Variants in ZDHHC7 observed in about 807,000 individuals in gnomAD.
The protein encoded by ZDHHC7 is palmitoyltransferase ZDHHC7.
In ZDHHC7, 12 loss-of-function variants were observed where a neutral mutation model predicts 34.1. That is an observed-to-expected ratio of 0.35 (90% CI 0.23 to 0.57). The LOEUF (loss-of-function observed/expected upper bound fraction) is 0.57. ZDHHC7 is among the 20% of genes least tolerant of loss of function. ZDHHC7 has a pLI of 0.84. For missense variants in ZDHHC7, 388 were observed against 402.7 expected, an observed-to-expected ratio of 0.96 and a Z score of 0.31; for synonymous variants, 185 against 155.4, an observed-to-expected ratio of 1.19 and a Z score of -1.42.
chr16:84,992,339 C>T (rs1363811873), intron 2 of ZDHHC7, among the ~76,000 whole-genome samples: 1 of 78,716 alleles, frequency 1.3e-5, no homozygotes. Flanking sequence ...CAGTGGCAGG[C>T]GCCTGTACCT....
chr16:84,981,292 T>G (rs1182034107), intron 4 of ZDHHC7, among the ~76,000 whole-genome samples: 4 of 152,088 alleles, frequency 2.6e-5, no homozygotes, highest in Non-Finnish European at 5.9e-5. Context: ...GACTGTGGCT[T>G]TTAAAAAATA....
chr16:84,996,513 G>A (rs944568976), intron 1 of ZDHHC7, among the ~76,000 whole-genome samples: 6 of 152,212 alleles, frequency 3.9e-5, no homozygotes, highest in East Asian at 3.9e-4. Context: ...CTCCTGGCAC[G>A]CATCTCCCAC....
chr16:85,024,322 C>G, the ZDHHC7 span, among the ~76,000 whole-genome samples: 13 of 150,860 alleles, frequency 8.6e-5, no homozygotes, highest in African/African-American at 3.2e-4. Flanking sequence ...ACCTCCGCCT[C>G]CCAGGTTCAA....
chr16:85,024,058 C>A, the ZDHHC7 span, among the ~76,000 whole-genome samples: 24 of 151,666 alleles, frequency 1.6e-4, no homozygotes, highest in Admixed American at 4.6e-4. Context: ...GCTGAGATTT[C>A]AGGCATGTGC....
intron 5 of ZDHHC7, among the ~76,000 whole-genome samples, chr16:84,978,797 G>A (rs1385775871): frequency 2.6e-5 from 4 of 151,084 alleles, no homozygotes; most frequent in Middle Eastern, 3.2e-3. Flanking sequence ...GGGAGGCGGA[G>A]GTTGCAGTGA....
At chr16:85,012,087 A>C (rs11867115), upstream of ZDHHC7, among the ~76,000 whole-genome samples, 7 of 152,188 alleles carry the variant, frequency 4.6e-5, no homozygotes, top group African/African-American at 1.4e-4. Flanking sequence ...GAAAGTAGGA[A>C]CATGTATTTT....
At chr16:85,008,463 G>A (rs973541623) in intron 1 of ZDHHC7, among the ~76,000 whole-genome samples, 2 of 151,508 alleles carry the variant, frequency 1.3e-5, no homozygotes, top group African/African-American at 4.9e-5. Flanking sequence ...GTACTTCCCT[G>A]GACTCCACCC....
intron 2 of ZDHHC7, among the ~76,000 whole-genome samples, chr16:84,993,306 G>C (rs1201219473): frequency 6.6e-6 from 1 of 152,064 alleles, no homozygotes; most frequent in Non-Finnish European, 1.5e-5. Context: ...GGATGACAGA[G>C]AGATCCTGTC....
At chr16:85,010,752 T>C (rs1250240111) in intron 1 of ZDHHC7, among the ~76,000 whole-genome samples, 1 of 152,224 alleles carries the variant, frequency 6.6e-6, no homozygotes, top group Non-Finnish European at 1.5e-5. Flanking sequence ...CCCTGAAAGC[T>C]TTACTGTCCC....
intron 6 of ZDHHC7, among the ~76,000 whole-genome samples, chr16:84,977,660 GT>G (rs1185824594): frequency 6.6e-6 from 1 of 152,162 alleles, no homozygotes; most frequent in Non-Finnish European, 1.5e-5. Flanking sequence ...CTTGCTTAGG[GT>G]CGGTCACTCA....
chr16:84,980,543 G>A (rs1277357162), intron 4 of ZDHHC7, among the ~76,000 whole-genome samples: 3 of 151,868 alleles, frequency 2.0e-5, no homozygotes, highest in Admixed American at 1.3e-4. Flanking sequence ...GGTGGCGGGC[G>A]CCTGTAATCC....
chr16:85,024,361 AG>A, the ZDHHC7 span, among the ~76,000 whole-genome samples: 1 of 148,874 alleles, frequency 6.7e-6, no homozygotes, highest in African/African-American at 2.5e-5. Flanking sequence ...CCTACCCAGT[AG>A]GCAGGATTAT....
At chr16:84,990,023 G>A (rs1231864778) in intron 3 of ZDHHC7, among the ~76,000 whole-genome samples, 2 of 152,100 alleles carry the variant, frequency 1.3e-5, no homozygotes, top group Admixed American at 6.6e-5. Context: ...CCTGATTGAA[G>A]GATGTCTCAA....
At chr16:85,022,980 A>G in the ZDHHC7 span, among the ~76,000 whole-genome samples, 211 of 152,288 alleles carry the variant, frequency 1.4e-3, 1 homozygote, top group Non-Finnish European at 9.8e-4. Flanking sequence ...AGAGTAAAGG[A>G]GACTGACTAG....
At chr16:85,027,466 C>T in the ZDHHC7 span, among the ~76,000 whole-genome samples, 1 of 152,144 alleles carries the variant, frequency 6.6e-6, no homozygotes, top group Non-Finnish European at 1.5e-5. Context: ...GCTTCCCATG[C>T]CCCCAACTAA....
chr16:84,983,951 C>T (rs1291567725), intron 3 of ZDHHC7, among the ~76,000 whole-genome samples: 4 of 138,228 alleles, frequency 2.9e-5, no homozygotes, highest in African/African-American at 5.7e-5. Context: ...AAGATCACGC[C>T]ACTGCACTCC....
At chr16:85,004,370 C>G (rs1184846331) in intron 1 of ZDHHC7, among the ~76,000 whole-genome samples, 1 of 150,400 alleles carries the variant, frequency 6.6e-6, no homozygotes, top group Non-Finnish European at 1.5e-5. Flanking sequence ...CTTAGATCAC[C>G]TGCTGACCAG....
intron 3 of ZDHHC7, among the ~76,000 whole-genome samples, chr16:84,987,816 C>T (rs1372776988): frequency 1.3e-5 from 2 of 152,166 alleles, no homozygotes; most frequent in Non-Finnish European, 2.9e-5. Context: ...ACCCCGAAGA[C>T]GCAATGCCTG....
At chr16:85,009,943 C>T (rs552061648) in intron 1 of ZDHHC7, among the ~76,000 whole-genome samples, 3 of 152,050 alleles carry the variant, frequency 2.0e-5, no homozygotes, top group South Asian at 2.1e-4. Context: ...CTCCCGACTT[C>T]GTGATCCGCC....
Sources: gnomAD v4.1 joint callset for allele counts (sites outside exome capture counted in the v4.1 genomes callset) on GRCh38, gnomAD v4.1.1 for gene constraint, MANE v1.5 for transcripts, NCBI Gene and HGNC (gene_info 2026-07-23, HGNC 2026-07-21) for gene names.